The following PTPRN2 variants were observed in gnomAD, a reference collection of about 807,000 sequenced individuals.
The protein encoded by PTPRN2 is receptor-type tyrosine-protein phosphatase N2.
PTPRN2 carries 74 observed loss-of-function variants against 118.8 expected under a neutral mutation model. That is an observed-to-expected ratio of 0.62 (90% CI 0.52 to 0.76). The LOEUF is 0.76. Ranked by LOEUF, PTPRN2 falls within the 30% of genes least tolerant of loss-of-function variation. The pLI is 0.00. For synonymous variants in PTPRN2, 641 were observed against 608.0 expected (o/e 1.05, Z -0.80); for missense variants, 1,481 against 1,394.4 (o/e 1.06, Z -0.99).
chr7:158,023,251 C>G (rs890780877), intron 11 of PTPRN2, among the ~76,000 whole-genome samples: 1 of 152,078 alleles, frequency 6.6e-6, no homozygotes. Flanking sequence ...GAGCTCACCA[C>G]GTAAGCGCTC....
intron 12 of PTPRN2, among the ~76,000 whole-genome samples, chr7:157,782,392 G>A (rs891630152): frequency 2.0e-5 from 3 of 152,218 alleles, no homozygotes; most frequent in South Asian, 2.1e-4. Flanking sequence ...TGGGAGGGCC[G>A]GTTTGGCCCC....
intron 1 of PTPRN2, among the ~76,000 whole-genome samples, chr7:158,586,876 G>C (rs1455714768): frequency 6.6e-6 from 1 of 152,128 alleles, no homozygotes; most frequent in Non-Finnish European, 1.5e-5. Context: ...AGGGCCGCGC[G>C]CTCCAGGGCC....
At position 157,853,681 on chromosome 7, in the gene PTPRN2, G is replaced by A. The variant is rs141164807; in HGVS notation, c.1788+44992C>T. Among the ~76,000 whole-genome samples the A allele has an allele frequency of 1.7e-3, 261 of 152,258 alleles. 2 individuals are homozygous for A. In the South Asian group the frequency reaches 0.032, roughly 19 times the overall value. On this transcript the variant is annotated intron_variant, in intron 12 of 22. Coordinates refer to ENST00000389418, the MANE Select transcript of PTPRN2 (RefSeq NM_002847.5). ...AACTGGTGCATCATGTAGAATAACC[G>A]AGCCACACGTGCGGAGATGCTCCAC...
chr7:157,854,957 GGTGT>G lies in PTPRN2; in HGVS notation c.1788+43712_1788+43715del, dbSNP rs1809578929. 4.3e-5 allele frequency: 7 copies of G among 164,150 alleles called. 1 individual carries two copies. In the South Asian group the frequency reaches 6.9e-4, roughly 16 times the overall value. 10.2% of individuals were successfully genotyped at this position (164,150 alleles called of 1,614,324 possible). On this transcript the variant is annotated intron_variant, in intron 12 of 22. Coordinates refer to ENST00000389418, the MANE Select transcript of PTPRN2 (RefSeq NM_002847.5). ...GGGAGGATGGCTGTGCCGTTGTAGG[GGTGT>G]GTGTGGGGCTGGATCGGGGAGGATG...
At position 158,352,185 on chromosome 7, in the gene PTPRN2, CGCTCCCCTCCTGACT is replaced by C. The variant is rs1563190862; in HGVS notation, c.164-35268_164-35254del. Among the ~76,000 whole-genome samples the C allele has an allele frequency of 1.5e-3, 5 of 3,376 alleles. 2 individuals are homozygous for C. Among genetic ancestry groups the C allele is most frequent in the East Asian group, 4.0e-3 (1 of 248 alleles). The allele number at this position is 3,376 out of a possible 152,430, so 2.2% of individuals were successfully genotyped here. A position where few individuals can be genotyped will look rare whatever the true frequency, so the allele number is the denominator to read the frequency against. On this transcript the variant is annotated intron_variant, in intron 2 of 22. Transcript: ENST00000389418. The stretch of plus-strand genomic sequence containing the variant: ...CCCTCCTGACCGCTCCCCTCCTGTC[CGCTCCCCTCCTGACT>C]GCTCCCCTCCTGACTGCTCCCCTCC...
intron 5 of PTPRN2, among the ~76,000 whole-genome samples, chr7:158,188,078 T>C (rs1013191513): frequency 1.5e-3 from 230 of 151,560 alleles, no homozygotes; most frequent in African/African-American, 5.2e-3. Flanking sequence ...ACCCAAGAGA[T>C]GAACCCCCAG....
intron 2 of PTPRN2, among the ~76,000 whole-genome samples, chr7:158,336,504 C>T (rs1196467548): frequency 7.5e-6 from 1 of 133,408 alleles, no homozygotes; most frequent in Admixed American, 7.5e-5. Context: ...AGATGTCACT[C>T]ACACCCACAC....
intron 12 of PTPRN2, chr7:157,855,894 T>C (rs1006504295): frequency 5.9e-5 from 9 of 152,272 alleles, no homozygotes; most frequent in Non-Finnish European, 4.4e-5. Context: ...ACCATCATTT[T>C]TTCTGATACT....
At chr7:158,073,450 G>C (rs575957909) in intron 11 of PTPRN2, among the ~76,000 whole-genome samples, 1 of 152,274 alleles carries the variant, frequency 6.6e-6, no homozygotes, top group South Asian at 2.1e-4. Flanking sequence ...CACCTTCCTC[G>C]GGCACCCCTT....
At chr7:158,081,833 G>A (rs1253173453) in intron 10 of PTPRN2, among the ~76,000 whole-genome samples, 3 of 152,186 alleles carry the variant, frequency 2.0e-5, no homozygotes, top group Admixed American at 6.5e-5. Flanking sequence ...GAACTACTCT[G>A]TATAAAAACA....
chr7:158,292,834 A>G (rs1296921174), intron 3 of PTPRN2, among the ~76,000 whole-genome samples: 2 of 151,782 alleles, frequency 1.3e-5, no homozygotes, highest in Admixed American at 1.3e-4. Flanking sequence ...TTGGGAGGTC[A>G]AGGTGGGTGG....
chr7:157,551,600 A>G (rs939718231), intron 21 of PTPRN2, among the ~76,000 whole-genome samples: 3 of 119,782 alleles, frequency 2.5e-5, no homozygotes, highest in Non-Finnish European at 5.1e-5. Context: ...GCCACCACAC[A>G]ACCCACAGCC....
intron 12 of PTPRN2, among the ~76,000 whole-genome samples, chr7:157,775,690 G>A (rs1021426292): frequency 1.4e-4 from 21 of 152,264 alleles, no homozygotes; most frequent in East Asian, 1.2e-3. Flanking sequence ...AGGGCAGGAC[G>A]GAGCCTGGAC....
chr7:158,341,519 C>A (rs1355280348), intron 2 of PTPRN2, among the ~76,000 whole-genome samples: 3 of 123,282 alleles, frequency 2.4e-5, no homozygotes, highest in Non-Finnish European at 5.4e-5. Flanking sequence ...TCACTCACAC[C>A]CACACTCTCA....
intron 10 of PTPRN2, among the ~76,000 whole-genome samples, chr7:158,107,335 C>T (rs959770571): frequency 3.3e-5 from 5 of 152,142 alleles, no homozygotes; most frequent in Admixed American, 6.5e-5. Flanking sequence ...TCAAACCCTC[C>T]CCCCTCCTAA....
intron 20 of PTPRN2, among the ~76,000 whole-genome samples, chr7:157,569,336 T>G (rs1263179342): frequency 6.6e-6 from 1 of 152,224 alleles, no homozygotes; most frequent in East Asian, 1.9e-4. Context: ...ATCTGCAAGG[T>G]GCCTTCTCTA....
chr7:157,769,901 C>T lies in PTPRN2; in HGVS notation c.1789-86964G>A, dbSNP rs74828366. Among the ~76,000 whole-genome samples, 144 of 152,362 alleles carry T rather than the reference C, an allele frequency of 9.5e-4. 2 individuals are homozygous for T. The highest frequency in any genetic ancestry group is 6.8e-3 in the East Asian group (35 of 5,184). On this transcript the variant is annotated intron_variant, in intron 12 of 22. Coordinates refer to ENST00000389418, the MANE Select transcript of PTPRN2 (RefSeq NM_002847.5). ...TGCACACTTTATTCTTCCCAAGACC[C>T]GGCAGATGGCCTGAAAGCACATGTG...
intron 12 of PTPRN2, among the ~76,000 whole-genome samples, chr7:157,772,512 G>A (rs1181302773): frequency 1.3e-5 from 2 of 152,248 alleles, no homozygotes; most frequent in Non-Finnish European, 2.9e-5. Context: ...ACCTGGGGCA[G>A]GAAGTGGAAA....
At chr7:158,171,346 TATAC>T (rs201031480) in intron 5 of PTPRN2, among the ~76,000 whole-genome samples, 17 of 117,624 alleles carry the variant, frequency 1.4e-4, no homozygotes, top group African/African-American at 5.0e-4. Context: ...TATATATATA[TATAC>T]ACACACACAT....
Sources: allele counts gnomAD v4.1 joint callset (sites outside exome capture counted in the v4.1 genomes callset), GRCh38; gene constraint gnomAD v4.1.1; transcripts MANE v1.5; gene names NCBI Gene and HGNC (gene_info 2026-07-23, HGNC 2026-07-21).